Variants in CCDC88A observed in about 807,000 individuals in gnomAD.
CCDC88A encodes the protein girdin.
Under a neutral mutation model 234.3 loss-of-function variants are expected in CCDC88A, and 54 were observed. The observed-to-expected ratio is 0.23, with a 90% CI of 0.19 to 0.29. The LOEUF (loss-of-function observed/expected upper bound fraction) is 0.29, where lower values mean the gene tolerates loss of function less well. Among genes scored for constraint, CCDC88A ranks in the 10% least tolerant of loss-of-function variants. The pLI, the probability that CCDC88A is intolerant of heterozygous loss-of-function variation, is 1.00. For missense variants in CCDC88A, 1,832 were observed against 2,123.4 expected (o/e 0.86, Z 2.70); for synonymous variants, 753 against 737.8 (o/e 1.02, Z -0.33).
rs979645580 is a variant in CCDC88A at position 55,418,839 on chromosome 2, G to A, written c.141C>T (p.Phe47=). The part of the protein sequence containing the change: ...DEYVALVDGV[F]LNQVMLQINP... ...ACATTTGGAGCATGACCTGGTTCAA[G>A]AATACCCCATCCACCAAAGCCACAT... is the stretch of plus-strand genomic sequence containing the variant. The change falls in exon 2 of 33, where the codon TTC becomes TTT. Residue 47 remains phenylalanine (F), a synonymous_variant. Transcript: ENST00000436346. 3 of 1,613,934 alleles carry A rather than the reference G, an allele frequency of 1.9e-6. No individual in the cohort carries two copies. Among genetic ancestry groups the A allele is most frequent in the East Asian group, 2.2e-5 (1 of 44,878 alleles).
At position 55,388,820 on chromosome 2, in the gene CCDC88A, G is replaced by T; in HGVS notation, c.231C>A (p.His77Gln). The T allele has an allele frequency of 6.5e-7, 1 of 1,538,818 alleles. No homozygotes were observed. Among genetic ancestry groups the T allele is most frequent in the Non-Finnish European group, 8.9e-7 (1 of 1,126,700 alleles). Residue 77 changes from histidine to glutamine, a missense_variant, in exon 3 of 33, where the codon CAC becomes CAA. His to Gln is a conservative substitution (Grantham distance 24). Around this residue, in one of 6 missense-constraint regions of CCDC88A, gnomAD observed 84 missense variants for 80.9 expected, o/e 1.04. Transcript: ENST00000436346. ...TCTGTCTCACCAAAATGGATAGATT[G>T]TGCATTCTAAGTGAGGCATCATTAT... ...KVNNDASLRM[H>Q]NLSILVRQIK...
rs140178974 is a variant in CCDC88A, at chr2:55,310,634, TA to T, written c.4080-1381del. ...CATTCAGGAAGCTAATGGGGTAGTC[TA>T]TTTGAGAGGGAAGGCTGAATTACAG... On this transcript the variant is annotated intron_variant, in intron 23 of 32. Transcript: ENST00000436346. Among the ~76,000 whole-genome samples, 711 of 152,006 alleles carry T rather than the reference TA, an allele frequency of 4.7e-3. 7 individuals are homozygous for T. The highest frequency in any genetic ancestry group is 0.017 in the African/African-American group (688 of 41,458).
Position 55,296,482 on chromosome 2 carries a change from T to G in CCDC88A, c.4867A>C (p.Ser1623Arg). The G allele has an allele frequency of 3.1e-6, 5 of 1,614,246 alleles. No homozygotes were observed. The highest frequency in any genetic ancestry group is 4.2e-6 in the Non-Finnish European group (5 of 1,180,038). Residue 1623 changes from serine to arginine, a missense_variant, in exon 30 of 33, where the codon AGT becomes CGT. Ser to Arg is a moderately radical substitution (Grantham distance 110). Around this residue, in one of 6 missense-constraint regions of CCDC88A, gnomAD observed 422 missense variants for 416.5 expected, o/e 1.01. Transcript: ENST00000436346. ...TCATGAAGCAGGCTAAATTCTCCACTGCTGTGGCTTTGTGGCCTGCTTTGG... is the reference window on the plus strand; with the variant it reads ...TCATGAAGCAGGCTAAATTCTCCACGGCTGTGGCTTTGTGGCCTGCTTTGG... The part of the protein sequence containing the change: ...NNQSRPQSHS[S>R]GEFSLLHDHE...
At chr2:55,389,479 A>T (rs2104894956) in intron 2 of CCDC88A, among the ~76,000 whole-genome samples, 1 of 152,316 alleles carries the variant, frequency 6.6e-6, no homozygotes, top group East Asian at 1.9e-4. Context: ...CCACACAAGG[A>T]TGCAGGAAAG....
intron 3 of CCDC88A, among the ~76,000 whole-genome samples, chr2:55,378,063 T>C (rs546316498): frequency 1.1e-4 from 16 of 152,216 alleles, no homozygotes; most frequent in Non-Finnish European, 2.2e-4. Context: ...GCAACTAGTT[T>C]TACTGACTTA....
chr2:55,383,622 TAA>T (rs113191820), intron 3 of CCDC88A, among the ~76,000 whole-genome samples: 310 of 137,286 alleles, frequency 2.3e-3, no homozygotes, highest in Admixed American at 3.2e-3. Flanking sequence ...GACTCCGTCT[TAA>T]AAAAAAAAAA....
At chr2:55,304,401 A>G (rs1681279433) in intron 25 of CCDC88A, among the ~76,000 whole-genome samples, 1 of 152,212 alleles carries the variant, frequency 6.6e-6, no homozygotes, top group Non-Finnish European at 1.5e-5. Context: ...ATTCTGGTGC[A>G]TTATTTAGCA....
chr2:55,319,757 T>C (rs999752575), intron 18 of CCDC88A, among the ~76,000 whole-genome samples: 2 of 152,166 alleles, frequency 1.3e-5, no homozygotes, highest in African/African-American at 4.8e-5. Context: ...TTTAAAATAC[T>C]TGTCATTAAT....
chr2:55,320,499 T>C (rs1683488743), intron 18 of CCDC88A, among the ~76,000 whole-genome samples: 1 of 152,156 alleles, frequency 6.6e-6, no homozygotes, highest in Non-Finnish European at 1.5e-5. Flanking sequence ...TGATATGAAG[T>C]AATTTTTTTC....
At chr2:55,404,428 A>G (rs1409437466) in intron 2 of CCDC88A, 1 of 152,168 alleles carries the variant, frequency 6.6e-6, no homozygotes, top group Non-Finnish European at 1.5e-5. Flanking sequence ...TCAGTGTACC[A>G]GAAAAGTGCT....
intron 3 of CCDC88A, among the ~76,000 whole-genome samples, chr2:55,376,816 A>G (rs1170142116): frequency 6.6e-6 from 1 of 152,166 alleles, no homozygotes; most frequent in Admixed American, 6.5e-5. Context: ...TGGGCTTAAA[A>G]GAATAAATTT....
chr2:55,355,941 A>C (rs1403742916), intron 7 of CCDC88A, 190 bp from the exon 8 acceptor site: 1 of 435,516 alleles, frequency 2.3e-6, no homozygotes. Flanking sequence ...GCTACTTAGC[A>C]AATGACACTT....
At chr2:55,314,883 A>G (rs970546642) in intron 22 of CCDC88A, 2 of 152,136 alleles carry the variant, frequency 1.3e-5, no homozygotes, top group African/African-American at 4.8e-5. Flanking sequence ...CTTTTATACT[A>G]TAGATTAGTT....
intron 18 of CCDC88A, among the ~76,000 whole-genome samples, chr2:55,319,478 A>G (rs957840648): frequency 1.3e-5 from 2 of 152,154 alleles, no homozygotes; most frequent in Non-Finnish European, 2.9e-5. Context: ...AGTATATTCC[A>G]AACACAAATA....
At chr2:55,418,750 G>T in intron 2 of CCDC88A, 66 bp downstream of exon 2, 2 of 1,260,622 alleles carry the variant, frequency 1.6e-6, no homozygotes, top group Non-Finnish European at 2.3e-6. Context: ...AAAACATCGT[G>T]TCTCAAAGTT....
chr2:55,339,367 T>C (rs892056167), intron 13 of CCDC88A, 97 bp downstream of exon 13: 13 of 1,091,786 alleles, frequency 1.2e-5, no homozygotes, highest in Admixed American at 2.9e-5. Context: ...TAAAATAACA[T>C]TGAGCGTGCA....
chr2:55,416,690 T>C (rs1259407568), intron 2 of CCDC88A, among the ~76,000 whole-genome samples: 3 of 151,254 alleles, frequency 2.0e-5, no homozygotes, highest in African/African-American at 4.8e-5. Flanking sequence ...AACTTTTACA[T>C]TTACTAGGTA....
At chr2:55,403,326 T>A (rs1679031595) in intron 2 of CCDC88A, 1 of 152,216 alleles carries the variant, frequency 6.6e-6, no homozygotes, top group African/African-American at 2.4e-5. Flanking sequence ...CGCACTTTGT[T>A]ATGCAAGAAC....
chr2:55,313,610 T>C (rs969165135), intron 22 of CCDC88A: 1 of 151,892 alleles, frequency 6.6e-6, no homozygotes, highest in Non-Finnish European at 1.5e-5. Context: ...AAATTTGGCG[T>C]CCCTTGTAGA....
Sources: allele counts gnomAD v4.1 joint callset (sites outside exome capture counted in the v4.1 genomes callset), GRCh38; gene constraint gnomAD v4.1.1; regional missense constraint gnomAD v4.1.1; transcripts MANE v1.5; gene names NCBI Gene and HGNC (gene_info 2026-07-23, HGNC 2026-07-21).